NLK: variants seen among roughly 807,000 people sequenced by gnomAD.
The protein encoded by NLK is nemo like kinase, also known as serine/threonine-protein kinase NLK.
NLK carries 11 observed loss-of-function variants against 59.0 expected under a neutral mutation model. The observed-to-expected ratio is 0.19, with a 90% CI of 0.12 to 0.31. The LOEUF is 0.31. NLK is among the 10% of genes least tolerant of loss of function. NLK has a pLI of 1.00. For synonymous variants in NLK, 235 were observed against 235.9 expected, an observed-to-expected ratio of 1.00 and a Z score of 0.03; for missense variants, 410 against 661.1, an observed-to-expected ratio of 0.62 and a Z score of 4.16.
At chr17:28,200,449 CGAAA>C (rs1567746035), downstream of NLK, among the ~76,000 whole-genome samples, 3 of 152,224 alleles carry the variant, frequency 2.0e-5, no homozygotes, top group South Asian at 2.1e-4. Context: ...TGTACACCAA[CGAAA>C]GAGTCAATTT....
At chr17:28,120,845 A>AT (rs1408486049) in intron 1 of NLK, among the ~76,000 whole-genome samples, 1 of 152,208 alleles carries the variant, frequency 6.6e-6, no homozygotes, top group Non-Finnish European at 1.5e-5. Flanking sequence ...TTAGACAGAT[A>AT]TGTAGACAAT....
intron 1 of NLK, among the ~76,000 whole-genome samples, chr17:28,098,908 C>T (rs568840432): frequency 8.8e-4 from 133 of 151,944 alleles, no homozygotes; most frequent in African/African-American, 3.0e-3. Context: ...TCTTGAACTC[C>T]CGACCTCAGG....
Position 28,195,309 on chromosome 17 carries a change from C to G in NLK, c.*673C>G, listed in dbSNP as rs907170405. 1 of 150,632 alleles carries G rather than the reference C, an allele frequency of 6.6e-6. No homozygotes were observed. The highest frequency in any genetic ancestry group is 1.5e-5 in the Non-Finnish European group (1 of 67,714). 9.3% of individuals were successfully genotyped at this position (150,632 alleles called of 1,614,324 possible). ...GAGACTAAACTTTTGTTTTCCTTAC[C>G]CAGTATAAATATATATATATATATT... On this transcript the variant is annotated 3_prime_UTR_variant, in exon 11 of 11. Coordinates refer to ENST00000407008, the MANE Select transcript of NLK (RefSeq NM_016231.5).
intron 3 of NLK, among the ~76,000 whole-genome samples, chr17:28,145,927 G>A (rs1378084151): frequency 2.0e-5 from 3 of 152,080 alleles, no homozygotes; most frequent in Non-Finnish European, 4.4e-5. Context: ...GGCTGGTCTT[G>A]ACTCCCGATC....
intron 1 of NLK, among the ~76,000 whole-genome samples, chr17:28,060,692 T>G (rs978528344): frequency 1.3e-5 from 2 of 152,240 alleles, no homozygotes; most frequent in African/African-American, 4.8e-5. Flanking sequence ...AGGATTTCAC[T>G]TTCGTTAATA....
chr17:28,122,840 T>C, intron 2 of NLK, 108 bp downstream of exon 2: 2 of 1,239,110 alleles, frequency 1.6e-6, no homozygotes, highest in South Asian at 2.8e-5. Context: ...AATTTGGAAA[T>C]TGGCTATAGT....
intron 3 of NLK, among the ~76,000 whole-genome samples, chr17:28,146,196 T>C (rs1412135335): frequency 2.0e-5 from 3 of 152,148 alleles, no homozygotes; most frequent in Non-Finnish European, 4.4e-5. Flanking sequence ...TTTTTGACCT[T>C]CAAAAAGTTA....
chr17:28,200,629 G>A (rs772948359), downstream of NLK, among the ~76,000 whole-genome samples: 4 of 152,004 alleles, frequency 2.6e-5, no homozygotes, highest in African/African-American at 4.8e-5. Flanking sequence ...GACTACAGGC[G>A]TGTGCCACCA....
At chr17:28,157,363 G>A (rs1012528591) in intron 3 of NLK, among the ~76,000 whole-genome samples, 1 of 151,810 alleles carries the variant, frequency 6.6e-6, no homozygotes, top group Admixed American at 6.6e-5. Flanking sequence ...GCTAATTTTT[G>A]TATTTTTAGT....
chr17:28,163,805 T>C (rs1329904266), intron 5 of NLK, among the ~76,000 whole-genome samples, 177 bp downstream of exon 5: 1 of 152,206 alleles, frequency 6.6e-6, no homozygotes, highest in African/African-American at 2.4e-5. Flanking sequence ...CTGCCTCATG[T>C]TCTTTTCATG....
Position 28,085,607 on chromosome 17 carries a change from G to A in NLK, c.459-36996G>A, listed in dbSNP as rs1460866928. The stretch of plus-strand genomic sequence containing the variant: ...ATACAAAAAGTAGCCAGGCGTAGTG[G>A]TGCGCAGCTGTAATCCCAGCTACTC... On this transcript the variant is annotated intron_variant, in intron 1 of 10. Transcript: ENST00000407008. Among the ~76,000 whole-genome samples the A allele has an allele frequency of 5.3e-5, 8 of 152,108 alleles. No individual in the cohort carries two copies. The East Asian group carries it at 1.5e-3, about 29-fold the overall frequency.
At chr17:28,176,811 T>C (rs1908698557) in intron 7 of NLK, among the ~76,000 whole-genome samples, 1 of 152,238 alleles carries the variant, frequency 6.6e-6, no homozygotes, top group African/African-American at 2.4e-5. Flanking sequence ...TATTCACATA[T>C]TTATATTCAT....
chr17:28,152,630 T>C (rs1907526558), intron 3 of NLK, among the ~76,000 whole-genome samples: 1 of 149,226 alleles, frequency 6.7e-6, no homozygotes, highest in African/African-American at 2.4e-5. Flanking sequence ...GCTTTATACT[T>C]TTTTTTTTTT....
chr17:28,176,894 A>G (rs1207117950), intron 7 of NLK, among the ~76,000 whole-genome samples: 1 of 152,176 alleles, frequency 6.6e-6, no homozygotes, highest in Admixed American at 6.5e-5. Flanking sequence ...CCCTTAAGCA[A>G]TGCAGGGGCT....
chr17:28,141,527 G>T (rs1178250602), intron 3 of NLK, among the ~76,000 whole-genome samples: 1 of 152,176 alleles, frequency 6.6e-6, no homozygotes, highest in East Asian at 1.9e-4. Flanking sequence ...CAGCTTTACA[G>T]TAGATCATAC....
intron 1 of NLK, among the ~76,000 whole-genome samples, chr17:28,116,882 T>C (rs977668595): frequency 6.6e-6 from 1 of 152,272 alleles, no homozygotes; most frequent in Non-Finnish European, 1.5e-5. Flanking sequence ...CTTTGTGACC[T>C]CTTCTTGCCT....
intron 3 of NLK, among the ~76,000 whole-genome samples, chr17:28,149,437 T>C (rs1427726689): frequency 6.6e-6 from 1 of 152,240 alleles, no homozygotes; most frequent in Non-Finnish European, 1.5e-5. Context: ...ACAGTATAGA[T>C]AAATTGCCAA....
chr17:28,181,259 G>A (rs534454656), intron 7 of NLK, among the ~76,000 whole-genome samples: 3 of 152,112 alleles, frequency 2.0e-5, no homozygotes, highest in South Asian at 2.1e-4. Context: ...AATTAGCCAC[G>A]CGTGTGGCAG....
At chr17:28,079,488 A>G (rs1052169197) in intron 1 of NLK, among the ~76,000 whole-genome samples, 8 of 152,214 alleles carry the variant, frequency 5.3e-5, no homozygotes, top group Non-Finnish European at 1.0e-4. Flanking sequence ...AGCAGTATAC[A>G]TGGGTTCCAT....
Sources: gnomAD v4.1 joint callset for allele counts (sites outside exome capture counted in the v4.1 genomes callset) on GRCh38, gnomAD v4.1.1 for gene constraint, MANE v1.5 for transcripts, NCBI Gene and HGNC (gene_info 2026-07-23, HGNC 2026-07-21) for gene names.